The following GLIS3 variants were observed in gnomAD, a reference collection of about 807,000 sequenced individuals.
The protein encoded by GLIS3 is zinc finger protein GLIS3.
In GLIS3, 53 loss-of-function variants were observed where a neutral mutation model predicts 78.6. The observed-to-expected ratio is 0.67, with a 90% CI of 0.54 to 0.85. The LOEUF is 0.85. Ranked by LOEUF, GLIS3 falls within the 40% of genes least tolerant of loss-of-function variation. The pLI, the probability that GLIS3 is intolerant of heterozygous loss-of-function variation, is 0.00. For missense variants in GLIS3, 1,703 were observed against 1,231.1 expected (o/e 1.38, Z -5.74); for synonymous variants, 684 against 509.9 (o/e 1.34, Z -4.60).
At chr9:4,309,088 T>A (rs1423711176) in intron 3 of GLIS3, 5 of 152,214 alleles carry the variant, frequency 3.3e-5, no homozygotes, top group African/African-American at 1.2e-4. Context: ...GATAAAAGCA[T>A]TTTTTAAGAT....
chr9:3,980,981 A>G (rs1055076156), intron 4 of GLIS3, among the ~76,000 whole-genome samples: 49 of 152,180 alleles, frequency 3.2e-4, no homozygotes, highest in South Asian at 2.1e-4. Flanking sequence ...TGCAAGCTCT[A>G]CGCTGCTCTG....
chr9:4,252,492 T>C (rs1392506020), intron 2 of GLIS3, among the ~76,000 whole-genome samples: 1 of 152,126 alleles, frequency 6.6e-6, no homozygotes, highest in African/African-American at 2.4e-5. Flanking sequence ...ATTATTCTAG[T>C]AAGCAATTCC....
intron 6 of GLIS3, among the ~76,000 whole-genome samples, chr9:3,923,478 A>G (rs1825026495): frequency 6.6e-6 from 1 of 152,214 alleles, no homozygotes; most frequent in Non-Finnish European, 1.5e-5. Context: ...GTGGGAAACT[A>G]GAGATATTAA....
chr9:4,286,554 A>T (rs1015413988), intron 1 of GLIS3, 31 bp from the exon 2 acceptor site: 2 of 1,093,210 alleles, frequency 1.8e-6, no homozygotes, highest in African/African-American at 3.1e-5. Context: ...AGGCATTTTT[A>T]AAAGCAAAAA....
intron 4 of GLIS3, among the ~76,000 whole-genome samples, chr9:4,037,657 TA>T (rs1824449050): frequency 1.3e-5 from 2 of 151,984 alleles, no homozygotes; most frequent in Non-Finnish European, 2.9e-5. Context: ...CACTAGGAGA[TA>T]AATTTCTCAG....
chr9:4,381,279 G>C, the GLIS3 span, among the ~76,000 whole-genome samples: 1 of 152,124 alleles, frequency 6.6e-6, no homozygotes, highest in Admixed American at 6.5e-5. Context: ...AGATGAGAAA[G>C]TACTTTGAAA....
chr9:4,180,770 G>C (rs1033531842), intron 2 of GLIS3, among the ~76,000 whole-genome samples: 11 of 152,186 alleles, frequency 7.2e-5, no homozygotes, highest in African/African-American at 2.7e-4. Flanking sequence ...CTAGAGGTAA[G>C]TCCACCACCA....
intron 2 of GLIS3, among the ~76,000 whole-genome samples, chr9:4,319,159 T>A (rs1219638363): frequency 6.6e-6 from 1 of 152,184 alleles, no homozygotes; most frequent in African/African-American, 2.4e-5. Context: ...GGATTCTGAA[T>A]GAGAAAAAAA....
At chr9:4,099,866 A>C (rs1240237452) in intron 4 of GLIS3, among the ~76,000 whole-genome samples, 1 of 152,232 alleles carries the variant, frequency 6.6e-6, no homozygotes, top group Non-Finnish European at 1.5e-5. Flanking sequence ...AATTCCTAAT[A>C]TTATTTTGGG....
intron 4 of GLIS3, among the ~76,000 whole-genome samples, chr9:3,984,735 T>G (rs1819593830): frequency 1.3e-5 from 2 of 152,138 alleles, no homozygotes; most frequent in Non-Finnish European, 2.9e-5. Context: ...TTTGGTTGTG[T>G]CCCCATCCAA....
intron 7 of GLIS3, among the ~76,000 whole-genome samples, chr9:3,881,031 T>C (rs928858347): frequency 6.6e-6 from 1 of 152,170 alleles, no homozygotes; most frequent in Non-Finnish European, 1.5e-5. Context: ...AGTTGCATAT[T>C]TGCAAACTCA....
At chr9:4,321,142 C>T (rs997766393) in intron 2 of GLIS3, among the ~76,000 whole-genome samples, 6 of 151,490 alleles carry the variant, frequency 4.0e-5, no homozygotes, top group African/African-American at 7.3e-5. Flanking sequence ...ATCTCAAGGC[C>T]GGGCGCGGTG....
intron 4 of GLIS3, among the ~76,000 whole-genome samples, chr9:4,106,821 T>C (rs1830789251): frequency 1.3e-5 from 2 of 152,196 alleles, no homozygotes; most frequent in African/African-American, 4.8e-5. Context: ...CAGATCTCCC[T>C]TAAGGGTAAG....
At chr9:4,441,706 A>G in the GLIS3 span, among the ~76,000 whole-genome samples, 1 of 152,086 alleles carries the variant, frequency 6.6e-6, no homozygotes, top group Non-Finnish European at 1.5e-5. Flanking sequence ...TCTCGGGTTC[A>G]AGCCATCCTT....
intron 2 of GLIS3, among the ~76,000 whole-genome samples, chr9:4,257,443 T>C (rs1267328684): frequency 1.3e-5 from 2 of 152,176 alleles, no homozygotes; most frequent in African/African-American, 2.4e-5. Context: ...GTATTGCATA[T>C]TGGTAATTTG....
chr9:4,068,893 T>C (rs1376347013), intron 4 of GLIS3, among the ~76,000 whole-genome samples: 2 of 151,818 alleles, frequency 1.3e-5, no homozygotes, highest in Non-Finnish European at 2.9e-5. Flanking sequence ...AATGCACACT[T>C]GGGCAATAAA....
intron 4 of GLIS3, among the ~76,000 whole-genome samples, chr9:3,967,178 G>C (rs959507488): frequency 3.3e-5 from 5 of 152,132 alleles, no homozygotes; most frequent in Admixed American, 6.5e-5. Context: ...CTGTGTACCT[G>C]AAAATCATTT....
intron 4 of GLIS3, among the ~76,000 whole-genome samples, chr9:4,108,648 T>A (rs1830962315): frequency 6.6e-6 from 1 of 152,084 alleles, no homozygotes; most frequent in South Asian, 2.1e-4. Context: ...TGACAATATA[T>A]CTCACCAAAA....
the GLIS3 span, among the ~76,000 whole-genome samples, chr9:4,462,492 C>T: frequency 6.6e-6 from 1 of 152,074 alleles, no homozygotes; most frequent in Non-Finnish European, 1.5e-5. Context: ...AGTAGTAGCT[C>T]ATGCCTGTAA....
Sources: allele counts gnomAD v4.1 joint callset (sites outside exome capture counted in the v4.1 genomes callset), GRCh38; gene constraint gnomAD v4.1.1; transcripts MANE v1.5; gene names NCBI Gene and HGNC (gene_info 2026-07-23, HGNC 2026-07-21).